The following DDB1 variants were observed in gnomAD, a reference collection of about 807,000 sequenced individuals.
DDB1 encodes the protein DNA damage-binding protein 1.
In DDB1, 18 loss-of-function variants were observed where a neutral mutation model predicts 133.1. The observed-to-expected ratio is 0.14, with a 90% CI of 0.09 to 0.20. The LOEUF (loss-of-function observed/expected upper bound fraction) is 0.20, where lower values mean the gene tolerates loss of function less well. Among genes scored for constraint, DDB1 ranks in the 10% least tolerant of loss-of-function variants. The pLI, the probability that DDB1 is intolerant of heterozygous loss-of-function variation, is 1.00. For missense variants in DDB1, 828 were observed against 1,459.2 expected (o/e 0.57, Z 7.05); for synonymous variants, 580 against 550.5 (o/e 1.05, Z -0.75).
At chr11:61,324,160 C>A in intron 6 of DDB1, 23 bp from the exon 7 acceptor site, 2 of 1,613,566 alleles carry the variant, frequency 1.2e-6, no homozygotes, top group South Asian at 1.1e-5. Context: ...AGGAAACAGT[C>A]ATTAGAGATT....
At chr11:61,324,460 ATGT>A (rs796936104) in intron 6 of DDB1, 5 of 227,136 alleles carry the variant, frequency 2.2e-5, no homozygotes, top group African/African-American at 6.7e-5. Context: ...GCTACTACAA[ATGT>A]TGTTATTTAT....
intron 6 of DDB1, among the ~76,000 whole-genome samples, chr11:61,325,407 C>T (rs983270742): frequency 6.6e-6 from 1 of 152,178 alleles, no homozygotes; most frequent in Non-Finnish European, 1.5e-5. Flanking sequence ...TATCATTTAT[C>T]TAAGTTAGCA....
intron 21 of DDB1, among the ~76,000 whole-genome samples, chr11:61,305,212 A>G (rs1396675694): frequency 1.3e-5 from 2 of 152,252 alleles, no homozygotes; most frequent in South Asian, 2.1e-4. Flanking sequence ...ATCATTTGTA[A>G]TAATTACAAT....
intron 6 of DDB1, among the ~76,000 whole-genome samples, chr11:61,325,342 T>C (rs1856252080): frequency 1.3e-5 from 2 of 152,104 alleles, no homozygotes; most frequent in Admixed American, 1.3e-4. Flanking sequence ...TAAGACCCTG[T>C]CTCTTTGACA....
At chr11:61,313,787 C>G (rs1856017527) in intron 15 of DDB1, 75 bp downstream of exon 15, 1 of 1,593,542 alleles carries the variant, frequency 6.3e-7, no homozygotes, top group Admixed American at 1.7e-5. Flanking sequence ...AAAGCAGAAC[C>G]CTGGGACTAA....
chr11:61,300,262 G>GCT (rs776424808), intron 26 of DDB1, 43 bp from the exon 27 acceptor site: 1 of 1,580,696 alleles, frequency 6.3e-7, no homozygotes, highest in African/African-American at 1.3e-5. Flanking sequence ...CCAAGAGGGT[G>GCT]CTCTCCCACA....
At position 61,303,858 on chromosome 11, in the gene DDB1, G is replaced by A; in HGVS notation, c.2832+7C>T. 1.2e-6 allele frequency: 2 copies of A among 1,613,712 alleles called. No individual in the cohort carries two copies. The highest frequency in any genetic ancestry group is 2.2e-5 in the East Asian group (1 of 44,872). ...GAAGTCTGCTCGCATCCCCCCACCA[G>A]CATCACCTCTTCAAAGTTTCCTTCC... On this transcript the variant is annotated splice_region_variant and intron_variant, in intron 22 of 26. Transcript: ENST00000301764.
rs1048760392 is a variant in DDB1 at position 61,313,974 on chromosome 11, G to A, written c.1754-5C>T. ...GGATGGAGCGAGGAATGATCTCTGT[G>A]AGAAAGGGGGACATTATGTTCTTGT... is the stretch of plus-strand genomic sequence containing the variant. On this transcript the variant is annotated splice_polypyrimidine_tract_variant and splice_region_variant and intron_variant, in intron 14 of 26. Transcript: ENST00000301764. 1 of 1,614,064 alleles carries A rather than the reference G, an allele frequency of 6.2e-7. No homozygotes were observed. The highest frequency in any genetic ancestry group is 8.5e-7 in the Non-Finnish European group (1 of 1,180,048).
chr11:61,330,325 A>C, intron 2 of DDB1: 1 of 319,338 alleles, frequency 3.1e-6, no homozygotes, highest in Non-Finnish European at 5.7e-6. Context: ...TCTACAAACA[A>C]AGTCTTCATC....
chr11:61,314,100 C>T lies in DDB1; in HGVS notation c.1700G>A (p.Arg567His), dbSNP rs747126869. ...TTCAAAAGAGGGCAACTTCAAGATA[C>T]GAGCCGAGATGTCCGTCCAGAGGCC... ...AIGLWTDISA[R>H]ILKLPSFELL... Residue 567 changes from arginine (R) to histidine (H), a missense_variant, in exon 14 of 27, where the codon CGT (arginine) becomes CAT (histidine). Arg to His is a conservative substitution (Grantham distance 29, BLOSUM62 0). Coordinates refer to ENST00000301764, the MANE Select transcript of DDB1 (RefSeq NM_001923.5). 2.8e-5 allele frequency: 45 copies of T among 1,613,936 alleles called. No homozygotes were observed. Among genetic ancestry groups the T allele is most frequent in the African/African-American group, 6.7e-5 (5 of 74,900 alleles).
intron 16 of DDB1, 58 bp downstream of exon 16, chr11:61,313,441 A>T: frequency 6.7e-7 from 1 of 1,498,558 alleles, no homozygotes; most frequent in Middle Eastern, 1.7e-4. Context: ...GGGTTTGAGG[A>T]AAACATCATG....
At chr11:61,318,145 G>T (rs1282341567) in intron 10 of DDB1, among the ~76,000 whole-genome samples, 1 of 152,150 alleles carries the variant, frequency 6.6e-6, no homozygotes, top group African/African-American at 2.4e-5. Flanking sequence ...AACAATATAT[G>T]CTTGAAGCCC....
Position 61,322,564 on chromosome 11 carries a change from G to A in DDB1, c.1006-152C>T, listed in dbSNP as rs550856281. On this transcript the variant is annotated intron_variant, in intron 8 of 26. Coordinates refer to ENST00000301764, the MANE Select transcript of DDB1 (RefSeq NM_001923.5). ...GGGATGATTCCAGAAGGGGACTATT[G>A]ACGAAAGAATATGGTTGTCCCACAG... 5.8e-5 allele frequency: 38 copies of A among 651,946 alleles called. No individual in the cohort carries two copies. In the African/African-American group the frequency reaches 6.9e-4, roughly 12 times the overall value. The allele number at this position is 651,946 out of a possible 1,614,324, so 40.4% of individuals were successfully genotyped here. A position where few individuals can be genotyped will look rare whatever the true frequency, so the allele number is the denominator to read the frequency against.
At chr11:61,316,167 A>T (rs1488160148) in intron 12 of DDB1, 118 bp downstream of exon 12, 13 of 864,606 alleles carry the variant, frequency 1.5e-5, no homozygotes, top group Non-Finnish European at 2.2e-5. Context: ...TTTCCCTAGA[A>T]TTTTTACATT....
chr11:61,323,681 T>A (rs1312281299), intron 7 of DDB1: 2 of 334,026 alleles, frequency 6.0e-6, no homozygotes, highest in Non-Finnish European at 1.1e-5. Context: ...CCCAAAGTGC[T>A]GGGATCACAG....
chr11:61,332,823 C>A, intron 1 of DDB1, 85 bp downstream of exon 1: 1 of 1,257,082 alleles, frequency 8.0e-7, no homozygotes, highest in South Asian at 1.9e-5. Flanking sequence ...TCCTGCCCGG[C>A]CGCCCCCGGG....
intron 5 of DDB1, chr11:61,326,056 A>C: frequency 3.0e-6 from 1 of 335,288 alleles, no homozygotes; most frequent in South Asian, 2.8e-5. Context: ...CCTGGTTTCC[A>C]CTCTTGTTCC....
intron 25 of DDB1, 31 bp from the exon 26 acceptor site, chr11:61,300,963 A>C (rs771438694): frequency 4.1e-5 from 66 of 1,613,066 alleles, no homozygotes; most frequent in Non-Finnish European, 5.1e-5. Context: ...ACACGTGCTT[A>C]TCAGGAAACA....
chr11:61,330,552 A>C (rs1029453830), intron 2 of DDB1, among the ~76,000 whole-genome samples: 1 of 152,256 alleles, frequency 6.6e-6, no homozygotes, highest in Non-Finnish European at 1.5e-5. Flanking sequence ...TTTTGAACCC[A>C]CTGCTTTCTT....
Sources: gnomAD v4.1 joint callset for allele counts (sites outside exome capture counted in the v4.1 genomes callset) on GRCh38, gnomAD v4.1.1 for gene constraint, MANE v1.5 for transcripts, NCBI Gene and HGNC (gene_info 2026-07-23, HGNC 2026-07-21) for gene names.